The following TBC1D22B variants were observed in gnomAD, a reference collection of about 807,000 sequenced individuals.
TBC1D22B encodes TBC1 domain family member 22B.
TBC1D22B carries 32 observed loss-of-function variants against 69.1 expected under a neutral mutation model. The observed-to-expected ratio is 0.46, with a 90% CI of 0.35 to 0.62. TBC1D22B has a LOEUF of 0.62. TBC1D22B is among the 20% of genes least tolerant of loss of function. TBC1D22B has a pLI of 0.00. For synonymous variants in TBC1D22B, 206 were observed against 229.8 expected (o/e 0.90, Z 0.94); for missense variants, 462 against 630.9 (o/e 0.73, Z 2.87).
intron 8 of TBC1D22B, among the ~76,000 whole-genome samples, chr6:37,309,191 C>G (rs1767827977): frequency 6.6e-6 from 1 of 152,262 alleles, no homozygotes; most frequent in Admixed American, 6.5e-5. Context: ...GCCATTTGTG[C>G]AAAGTCACAT....
At chr6:37,307,741 C>G (rs1217353698) in intron 8 of TBC1D22B, among the ~76,000 whole-genome samples, 1 of 152,180 alleles carries the variant, frequency 6.6e-6, no homozygotes, top group African/African-American at 2.4e-5. Context: ...AAACCAGAGG[C>G]TTTGGAAAAT....
chr6:37,295,997 G>A (rs1228730775), intron 8 of TBC1D22B, among the ~76,000 whole-genome samples: 2 of 152,152 alleles, frequency 1.3e-5, no homozygotes, highest in African/African-American at 2.4e-5. Context: ...CCATCACCCT[G>A]GTCAGTCAGC....
rs760231115 is a variant in TBC1D22B at position 37,269,700 on chromosome 6, C to T, written c.113+50C>T. On this transcript the variant is annotated intron_variant, in intron 2 of 12. Coordinates refer to ENST00000373491, the MANE Select transcript of TBC1D22B (RefSeq NM_017772.4). ...TCTATCTACTGCTGTCACCCCTATA[C>T]CCTCCCCTATTTTGTTGAAATGACA... 5.2e-5 allele frequency: 81 copies of T among 1,543,828 alleles called. No individual in the cohort carries two copies. The Middle Eastern group carries it at 8.4e-4, about 16-fold the overall frequency.
At chr6:37,267,148 G>T (rs766630008) in intron 1 of TBC1D22B, among the ~76,000 whole-genome samples, 5 of 150,250 alleles carry the variant, frequency 3.3e-5, no homozygotes, top group Non-Finnish European at 5.9e-5. Flanking sequence ...CGTTGCTCAG[G>T]CTGGTCAAAC....
At chr6:37,269,487 C>T in intron 1 of TBC1D22B, 107 bp from the exon 2 acceptor site, 1 of 988,440 alleles carries the variant, frequency 1.0e-6, no homozygotes, top group Non-Finnish European at 1.6e-6. Flanking sequence ...TTAGAGATAA[C>T]CTATTTATCA....
chr6:37,312,279 C>T (rs139682924), intron 8 of TBC1D22B, among the ~76,000 whole-genome samples: 1 of 152,294 alleles, frequency 6.6e-6, no homozygotes, highest in East Asian at 1.9e-4. Flanking sequence ...TGTGGAACCC[C>T]CCCTTTTTTT....
chr6:37,263,413 CAT>C (rs750406782), intron 1 of TBC1D22B, among the ~76,000 whole-genome samples: 5 of 152,166 alleles, frequency 3.3e-5, no homozygotes, highest in Non-Finnish European at 7.4e-5. Context: ...AGTTTAAAAA[CAT>C]AAAAAATACT....
intron 3 of TBC1D22B, among the ~76,000 whole-genome samples, chr6:37,279,941 G>A (rs1562046368): frequency 6.6e-6 from 1 of 152,222 alleles, no homozygotes; most frequent in Non-Finnish European, 1.5e-5. Flanking sequence ...GGCCTGGTCA[G>A]GTTTAGAAAT....
At chr6:37,324,160 C>T (rs1581636062) in intron 12 of TBC1D22B, 1 of 379,246 alleles carries the variant, frequency 2.6e-6, no homozygotes, top group African/African-American at 2.1e-5. Context: ...AAGAAAGTTC[C>T]AGTACTGCAA....
intron 12 of TBC1D22B, among the ~76,000 whole-genome samples, chr6:37,326,771 G>T (rs1355598562): frequency 2.0e-5 from 3 of 150,830 alleles, no homozygotes; most frequent in African/African-American, 7.4e-5. Flanking sequence ...CTGGGTGACG[G>T]AGCGAGACTA....
intron 12 of TBC1D22B, among the ~76,000 whole-genome samples, chr6:37,317,938 A>G (rs938301445): frequency 1.3e-5 from 2 of 152,164 alleles, no homozygotes; most frequent in Non-Finnish European, 2.9e-5. Context: ...CAAGGGAAGA[A>G]TAGGAAGAGG....
intron 8 of TBC1D22B, among the ~76,000 whole-genome samples, chr6:37,292,083 A>G (rs568069702): frequency 2.0e-5 from 3 of 152,342 alleles, no homozygotes; most frequent in East Asian, 3.9e-4. Context: ...TTCCTTAGGT[A>G]AGGAGAACCT....
chr6:37,267,470 A>ATACACACATATATAAT (rs1766333224), intron 1 of TBC1D22B, among the ~76,000 whole-genome samples: 1 of 86,514 alleles, frequency 1.2e-5, no homozygotes, highest in African/African-American at 4.6e-5. Context: ...ACATATATAT[A>ATACACACATATATAAT]ATATATATAC....
intron 2 of TBC1D22B, among the ~76,000 whole-genome samples, chr6:37,277,910 C>T (rs1036410943): frequency 6.6e-6 from 1 of 151,756 alleles, no homozygotes; most frequent in Non-Finnish European, 1.5e-5. Context: ...GAGAGGATCA[C>T]TTGAGGCCAG....
chr6:37,316,761 C>T lies in TBC1D22B; in HGVS notation c.1224C>T (p.Arg408=). The part of the protein sequence containing the change: ...YEVEYLQFAF[R]WMNNLLMREL... The stretch of plus-strand genomic sequence containing the variant: ...TAGAATACCTGCAGTTTGCCTTCCG[C>T]TGGATGAACAACCTGCTTATGCGGG... Residue 408 remains arginine (R), a synonymous_variant, in exon 11 of 13, where the codon CGC becomes CGT. Transcript: ENST00000373491. 6.2e-7 allele frequency: 1 copy of T among 1,614,218 alleles called. No homozygotes were observed. The highest frequency in any genetic ancestry group is 8.5e-7 in the Non-Finnish European group (1 of 1,180,036).
rs1276681005 is a variant in TBC1D22B at position 37,291,232 on chromosome 6, C to T, written c.868-11C>T. The T allele has an allele frequency of 6.3e-7, 1 of 1,585,356 alleles. No homozygotes were observed. The highest frequency in any genetic ancestry group is 1.7e-5 in the Admixed American group (1 of 59,974). ...ATTTAACACTCGTGTCTTTCTTTCT[C>T]ATTTTCCTAGATCTTTGAAAGAATT... On this transcript the variant is annotated splice_polypyrimidine_tract_variant and intron_variant, in intron 7 of 12. Transcript: ENST00000373491.
At chr6:37,259,556 A>G (rs986882851) in intron 1 of TBC1D22B, among the ~76,000 whole-genome samples, 18 of 152,044 alleles carry the variant, frequency 1.2e-4, no homozygotes, top group Admixed American at 3.3e-4. Context: ...GCTATTAACA[A>G]TCTTTTTTTC....
chr6:37,286,540 C>T (rs2113746074), intron 6 of TBC1D22B, among the ~76,000 whole-genome samples: 1 of 152,044 alleles, frequency 6.6e-6, no homozygotes, highest in East Asian at 2.0e-4. Context: ...TGGTCTCGAT[C>T]TCCTGACCTC....
chr6:37,274,447 T>C (rs1766599864), intron 2 of TBC1D22B, among the ~76,000 whole-genome samples: 1 of 152,250 alleles, frequency 6.6e-6, no homozygotes, highest in Non-Finnish European at 1.5e-5. Context: ...CCAAACACTT[T>C]ACCAAGTCAA....
Sources: gnomAD v4.1 joint callset for allele counts (sites outside exome capture counted in the v4.1 genomes callset) on GRCh38, gnomAD v4.1.1 for gene constraint, MANE v1.5 for transcripts, NCBI Gene and HGNC (gene_info 2026-07-23, HGNC 2026-07-21) for gene names.